PCGF2: variants seen among roughly 807,000 people sequenced by gnomAD.
PCGF2 encodes the protein polycomb group RING finger protein 2.
A neutral mutation model predicts 36.1 loss-of-function variants in PCGF2; 8 were observed. That is an observed-to-expected ratio of 0.22 (90% CI 0.13 to 0.40). PCGF2 has a LOEUF of 0.40. Among genes scored for constraint, PCGF2 ranks in the 10% least tolerant of loss-of-function variants. PCGF2 has a pLI of 1.00. For missense variants in PCGF2, 436 were observed against 475.9 expected (o/e 0.92, Z 0.78); for synonymous variants, 198 against 191.2 (o/e 1.04, Z -0.29).
chr17:38,743,837 A>T (rs914366277), intron 2 of PCGF2, among the ~76,000 whole-genome samples: 1 of 152,100 alleles, frequency 6.6e-6, no homozygotes, highest in Non-Finnish European at 1.5e-5. Context: ...CCCCCGCTGC[A>T]CTGGCTGGTG....
At chr17:38,748,907 GC>G (rs1907736618), upstream of PCGF2, among the ~76,000 whole-genome samples, 1 of 152,110 alleles carries the variant, frequency 6.6e-6, no homozygotes, top group Non-Finnish European at 1.5e-5. Context: ...CACTCCCCTT[GC>G]CCCCTCGGCG....
chr17:38,736,558 GGT>G (rs1567939177), intron 9 of PCGF2, among the ~76,000 whole-genome samples: 8 of 152,224 alleles, frequency 5.3e-5, no homozygotes, highest in Admixed American at 4.6e-4. Context: ...AATGTGGCCG[GGT>G]GCGGTGGCTC....
Position 38,739,516 on chromosome 17 carries a change from G to C in PCGF2, c.209+70C>G, listed in dbSNP as rs767215410. 7.3e-6 allele frequency: 9 copies of C among 1,240,510 alleles called. No homozygotes were observed. Among genetic ancestry groups the C allele is most frequent in the Non-Finnish European group, 9.5e-6 (8 of 839,798 alleles). 76.8% of individuals were successfully genotyped at this position (1,240,510 alleles called of 1,614,324 possible). On this transcript the variant is annotated intron_variant, in intron 4 of 10. Coordinates refer to ENST00000620225, the MANE Select transcript of PCGF2 (RefSeq NM_007144.3). The surrounding 1 kb of genome is among the most constrained non-coding windows in gnomAD (Gnocchi z 4.0). ...CTGCCGCCTTGGCTGAAGGAAGCAC[G>C]GAGCGTGGGAGGGATGGGGGAGGCT...
chr17:38,745,888 T>G (rs1180676846), intron 2 of PCGF2, among the ~76,000 whole-genome samples: 2 of 152,070 alleles, frequency 1.3e-5, no homozygotes, highest in Non-Finnish European at 2.9e-5. Context: ...TTCCTACACA[T>G]AGGGAAACAG....
intron 2 of PCGF2, among the ~76,000 whole-genome samples, chr17:38,747,069 T>G (rs2143160247): frequency 6.6e-6 from 1 of 152,098 alleles, no homozygotes; most frequent in African/African-American, 2.4e-5. Context: ...TGGGGGACAC[T>G]GAGGGACAAA....
intron 3 of PCGF2, 117 bp downstream of exon 3, chr17:38,740,174 G>T: frequency 1.2e-6 from 1 of 849,802 alleles, no homozygotes; most frequent in Non-Finnish European, 1.9e-6. Context: ...CAGCAGACAC[G>T]TGGGCGCGTT....
At chr17:38,740,750 G>C (rs1386294462) in intron 2 of PCGF2, among the ~76,000 whole-genome samples, 14 of 151,192 alleles carry the variant, frequency 9.3e-5, no homozygotes, top group Admixed American at 9.2e-4. Context: ...CAGAGTGAGA[G>C]TCTGTCTCAA....
chr17:38,748,557 C>T (rs1394528216), upstream of PCGF2, among the ~76,000 whole-genome samples: 4 of 152,142 alleles, frequency 2.6e-5, no homozygotes, highest in African/African-American at 9.7e-5. Context: ...GGGTCCCTAG[C>T]CAGGACGAGA....
At position 38,739,696 on chromosome 17, in the gene PCGF2, A is replaced by G. The variant is rs900810950; in HGVS notation, c.113-14T>C. ...AGGTTTTGCAGACTTGGGGGTGTGG[A>G]GAGAGAGAGGAGAGTCAGAGCCAAC... On this transcript the variant is annotated splice_polypyrimidine_tract_variant and intron_variant, in intron 3 of 10. Coordinates refer to ENST00000620225, the MANE Select transcript of PCGF2 (RefSeq NM_007144.3). The surrounding 1 kb of genome is among the most constrained non-coding windows in gnomAD (Gnocchi z 4.0). The G allele has an allele frequency of 3.8e-6, 6 of 1,592,110 alleles. No homozygotes were observed. The highest frequency in any genetic ancestry group is 1.3e-5 in the African/African-American group (1 of 74,374).
chr17:38,734,994 A>C lies in PCGF2; in HGVS notation c.*229T>G. 5.6e-6 allele frequency: 2 copies of C among 358,798 alleles called. No homozygotes were observed. Among genetic ancestry groups the C allele is most frequent in the Non-Finnish European group, 9.9e-6 (2 of 201,776 alleles). 22.2% of individuals were successfully genotyped at this position (358,798 alleles called of 1,614,324 possible). ...CCATTTTCCACACATACACACACAC[A>C]TAAAGTTTGTTTCCTGTGGCATTTA... On this transcript the variant is annotated 3_prime_UTR_variant, in exon 11 of 11. Coordinates refer to ENST00000620225, the MANE Select transcript of PCGF2 (RefSeq NM_007144.3).
rs965324493 is a variant in PCGF2, at chr17:38,738,857, G to A, written c.321C>T (p.Pro107=). 3.7e-6 allele frequency: 6 copies of A among 1,613,036 alleles called. No homozygotes were observed. Among genetic ancestry groups the A allele is most frequent in the African/African-American group, 2.7e-5 (2 of 74,880 alleles). Residue 107 remains proline (P), a synonymous_variant, in exon 7 of 11, where the codon CCC becomes CCT. Transcript: ENST00000620225. ...CGCCGCGGTCCTCATTGGAGCCGTT[G>A]GGGACTGCAGAAGGAAAGAGCTCTC... ...FYAAYPLTEV[P]NGSNEDRGEV... is the part of the protein sequence containing the mutation.
In PCGF2 at chr17:38,738,733, C is replaced by T. The variant is rs779643024; in HGVS notation, c.425+20G>A. 1.2e-6 allele frequency: 2 copies of T among 1,602,818 alleles called. No homozygotes were observed. The highest frequency in any genetic ancestry group is 1.3e-5 in the African/African-American group (1 of 74,692). On this transcript the variant is annotated intron_variant, in intron 7 of 10. Coordinates refer to ENST00000620225, the MANE Select transcript of PCGF2 (RefSeq NM_007144.3). ...ACCCAGACTAGGAACCCAGAAGGGG[C>T]CAGCCTGGGCCAGACTTGCCTGGCA...
intron 2 of PCGF2, among the ~76,000 whole-genome samples, chr17:38,741,245 T>C (rs571135385): frequency 6.6e-6 from 1 of 151,462 alleles, no homozygotes; most frequent in Non-Finnish European, 1.5e-5. Flanking sequence ...CACTCAAGCC[T>C]GGGCGACAGA....
chr17:38,735,407 T>C lies in PCGF2; in HGVS notation c.851A>G (p.His284Arg). 1 of 1,570,670 alleles carries C rather than the reference T, an allele frequency of 6.4e-7. No individual in the cohort carries two copies. Among genetic ancestry groups the C allele is most frequent in the Admixed American group, 1.9e-5 (1 of 53,426 alleles). The change falls in exon 11 of 11, where the codon CAT becomes CGT. Residue 284 changes from histidine to arginine, a missense_variant. Physicochemically the swap from His to Arg is conservative, Grantham distance 29. Coordinates refer to ENST00000620225, the MANE Select transcript of PCGF2 (RefSeq NM_007144.3). ...SSLPSPATPS[H>R]GSPSSHGPPA... ...AGGCCCATGGGAACTGGGAGAGCCA[T>C]GGGATGGGGTGGCTGGGCTGGGCAG...
intron 2 of PCGF2, among the ~76,000 whole-genome samples, chr17:38,744,013 C>T (rs776002858): frequency 2.0e-5 from 3 of 152,204 alleles, no homozygotes; most frequent in Non-Finnish European, 4.4e-5. Flanking sequence ...GAAGTGGCCT[C>T]TGCAGAGCTC....
chr17:38,744,996 T>C (rs947126972), intron 2 of PCGF2, among the ~76,000 whole-genome samples: 3 of 152,136 alleles, frequency 2.0e-5, no homozygotes. Context: ...GGATGGATCA[T>C]GAGGTCAGGA....
chr17:38,742,590 CCCACCCCACGCAGGGTGGCCTCGG>C (rs1907271622), intron 2 of PCGF2, among the ~76,000 whole-genome samples: 3 of 152,144 alleles, frequency 2.0e-5, no homozygotes, highest in Admixed American at 2.0e-4. Context: ...GAGAGGGGTT[CCCACCCCACGCAGGGTGGCCTCGG>C]CCAGCCCTCC....
chr17:38,744,130 A>C (rs1380913357), intron 2 of PCGF2, among the ~76,000 whole-genome samples: 1 of 152,106 alleles, frequency 6.6e-6, no homozygotes, highest in Non-Finnish European at 1.5e-5. Flanking sequence ...CAAGCCCTTC[A>C]GTGTCTTCTG....
chr17:38,735,210 A>AG lies in PCGF2; in HGVS notation c.*12dup. 1 of 1,390,056 alleles carries AG rather than the reference A, an allele frequency of 7.2e-7. No homozygotes were observed. Among genetic ancestry groups the AG allele is most frequent in the South Asian group, 1.8e-5 (1 of 56,856 alleles). The allele number at this position is 1,390,056 out of a possible 1,614,324, so 86.1% of individuals were successfully genotyped here. On this transcript the variant is annotated 3_prime_UTR_variant, in exon 11 of 11. Transcript: ENST00000620225. ...GAGAGGCTTGGCTGGAAGAAGGGAG[A>AG]GGGTCCCTGGCCTCAAGTTAAGGGG...
Sources: allele counts gnomAD v4.1 joint callset (sites outside exome capture counted in the v4.1 genomes callset), GRCh38; gene constraint gnomAD v4.1.1; non-coding constraint Gnocchi (gnomAD v3.1); transcripts MANE v1.5; gene names NCBI Gene and HGNC (gene_info 2026-07-23, HGNC 2026-07-21).